CPB1: variants seen among roughly 807,000 people sequenced by gnomAD.
CPB1 encodes the protein carboxypeptidase B.
Under a neutral mutation model 51.4 loss-of-function variants are expected in CPB1, and 53 were observed. That is an observed-to-expected ratio of 1.03 (90% CI 0.83 to 1.30). The LOEUF (loss-of-function observed/expected upper bound fraction) is 1.30, where lower values mean the gene tolerates loss of function less well. Among genes scored for constraint, CPB1 ranks in the 50% most tolerant of loss-of-function variants. The probability of loss-of-function intolerance (pLI) is 0.00; values close to 1 mark genes in which losing one functional copy is unlikely to be tolerated. For synonymous variants in CPB1, 189 were observed against 186.9 expected, an observed-to-expected ratio of 1.01 and a Z score of -0.09; for missense variants, 494 against 516.2, an observed-to-expected ratio of 0.96 and a Z score of 0.42.
chr3:148,858,559 CA>C (rs1487929237), intron 10 of CPB1, among the ~76,000 whole-genome samples: 3 of 150,618 alleles, frequency 2.0e-5, no homozygotes, highest in Non-Finnish European at 4.4e-5. Flanking sequence ...GCGACGAGAG[CA>C]AAACTCCATC....
At chr3:148,829,761 G>T (rs1576565340) in intron 2 of CPB1, among the ~76,000 whole-genome samples, 2 of 152,092 alleles carry the variant, frequency 1.3e-5, no homozygotes, top group African/African-American at 4.8e-5. Context: ...AGAATTAGAG[G>T]CCTTCTTTAC....
chr3:148,859,107 C>G (rs983174765), intron 10 of CPB1, among the ~76,000 whole-genome samples: 8 of 152,160 alleles, frequency 5.3e-5, no homozygotes, highest in African/African-American at 1.9e-4. Context: ...TTCAGTTCAA[C>G]TAGGCTTCTT....
intron 2 of CPB1, 149 bp downstream of exon 2, chr3:148,828,226 T>C (rs893312345): frequency 2.0e-5 from 13 of 652,098 alleles, no homozygotes; most frequent in Admixed American, 1.7e-4. Context: ...TGCCATAATG[T>C]CTTCTTTTTC....
At chr3:148,855,513 A>G (rs993683862) in intron 9 of CPB1, 1 of 152,206 alleles carries the variant, frequency 6.6e-6, no homozygotes, top group Non-Finnish European at 1.5e-5. Flanking sequence ...GTCAAAAGAG[A>G]TAACAGATCA....
rs578236957 is a variant in CPB1, at chr3:148,833,189, C to G, written c.148-1309C>G. Among the ~76,000 whole-genome samples, 4 of 152,254 alleles carry G rather than the reference C, an allele frequency of 2.6e-5. No homozygotes were observed. In the East Asian group the frequency reaches 5.8e-4, roughly 22 times the overall value. ...TCTCATCCTTGACTCACTAGGTCAC[C>G]TTCTACAGCCAATCCTTATCCAAAC... On this transcript the variant is annotated intron_variant, in intron 2 of 10. Transcript: ENST00000282957.
chr3:148,845,356 A>G, intron 8 of CPB1, 68 bp from the exon 9 acceptor site: 2 of 1,440,534 alleles, frequency 1.4e-6, no homozygotes, highest in Non-Finnish European at 1.9e-6. Flanking sequence ...CCTAATTTGA[A>G]AGTTTAAAAC....
chr3:148,858,331 G>A (rs759468472), intron 10 of CPB1, among the ~76,000 whole-genome samples: 3 of 152,096 alleles, frequency 2.0e-5, no homozygotes, highest in Non-Finnish European at 4.4e-5. Context: ...CCAGCACTTT[G>A]GGAGGCCGAG....
At chr3:148,830,934 C>T (rs1022680088) in intron 2 of CPB1, among the ~76,000 whole-genome samples, 3 of 152,232 alleles carry the variant, frequency 2.0e-5, no homozygotes, top group Non-Finnish European at 2.9e-5. Context: ...TTAGCAGTTA[C>T]GGGAACAGCA....
chr3:148,854,802 T>C (rs1299384968), intron 9 of CPB1: 1 of 152,188 alleles, frequency 6.6e-6, no homozygotes, highest in Non-Finnish European at 1.5e-5. Flanking sequence ...CAACTGATTA[T>C]AGCATACAGT....
chr3:148,844,809 A>T, intron 8 of CPB1, 42 bp downstream of exon 8: 1 of 1,547,868 alleles, frequency 6.5e-7, no homozygotes, highest in Non-Finnish European at 8.9e-7. Flanking sequence ...CCATTGAAAA[A>T]CATAAGAGGA....
rs1216592798 is a variant in CPB1, at chr3:148,841,855, T to G, written c.507T>G (p.Ile169Met). The G allele has an allele frequency of 1.2e-6, 2 of 1,613,970 alleles. No individual in the cohort carries two copies. The highest frequency in any genetic ancestry group is 1.1e-5 in the South Asian group (1 of 91,062). ...AAGCTGGACAAAATAAGCCTGCCAT[T>G]TTCATGGACTGTGGTTTCCATGCCA... ...VGKAGQNKPA[I>M]FMDCGFHARE... The change falls in exon 6 of 11, where the codon ATT becomes ATG. Residue 169 changes from isoleucine to methionine, a missense_variant. Physicochemically the swap from Ile to Met is conservative, Grantham distance 10. Coordinates refer to ENST00000282957, the MANE Select transcript of CPB1 (RefSeq NM_001871.3).
chr3:148,841,087 T>C (rs1576569659), intron 5 of CPB1, 112 bp downstream of exon 5: 1 of 829,752 alleles, frequency 1.2e-6, no homozygotes, highest in Non-Finnish European at 1.9e-6. Flanking sequence ...GTTATAACTC[T>C]TTCCTGCCTA....
chr3:148,840,127 A>T (rs1713032082), intron 3 of CPB1, among the ~76,000 whole-genome samples: 1 of 152,200 alleles, frequency 6.6e-6, no homozygotes, highest in Non-Finnish European at 1.5e-5. Context: ...TTTTAAACCC[A>T]TTCTTCTTTT....
Position 148,834,554 on chromosome 3 carries a change from C to G in CPB1, c.204C>G (p.Asp68Glu). 1 of 1,613,588 alleles carries G rather than the reference C, an allele frequency of 6.2e-7. No homozygotes were observed. The highest frequency in any genetic ancestry group is 8.5e-7 in the Non-Finnish European group (1 of 1,179,512). ...VTQIKPHSTV[D>E]FRVKAEDTVT... ...AAATCAAACCTCACAGTACAGTTGA[C>G]TTCCGTGTTAAAGCAGAAGATACTG... is the stretch of plus-strand genomic sequence containing the variant. Residue 68 changes from aspartate (D) to glutamate (E), a missense_variant, in exon 3 of 11, where the codon GAC (aspartate) becomes GAG (glutamate). Transcript: ENST00000282957.
intron 2 of CPB1, among the ~76,000 whole-genome samples, chr3:148,832,936 G>A (rs570577883): frequency 2.6e-5 from 4 of 152,260 alleles, no homozygotes; most frequent in South Asian, 2.1e-4. Flanking sequence ...CAACCTTGTC[G>A]TCTATAATAA....
At position 148,840,947 on chromosome 3, in the gene CPB1, T is replaced by A; in HGVS notation, c.446T>A (p.Phe149Tyr). 1 of 1,614,076 alleles carries A rather than the reference T, an allele frequency of 6.2e-7. No individual in the cohort carries two copies. The highest frequency in any genetic ancestry group is 1.6e-4 in the Middle Eastern group (1 of 6,062). Reference sequence around the variant, plus strand: ...TCTCGCAGTGTTATCGGAACCACATTTGAGGGACGCGCTATTTACCTCCTG... The same window carrying A: ...TCTCGCAGTGTTATCGGAACCACATATGAGGGACGCGCTATTTACCTCCTG... ...LISRSVIGTT[F>Y]EGRAIYLLKV... Residue 149 changes from phenylalanine (F) to tyrosine (Y), a missense_variant, in exon 5 of 11, where the codon TTT becomes TAT. Phe to Tyr is a conservative substitution (Grantham distance 22). Coordinates refer to ENST00000282957, the MANE Select transcript of CPB1 (RefSeq NM_001871.3).
intron 3 of CPB1, among the ~76,000 whole-genome samples, chr3:148,836,374 C>G (rs1712901931): frequency 6.6e-6 from 1 of 152,144 alleles, no homozygotes; most frequent in Non-Finnish European, 1.5e-5. Flanking sequence ...CTGAAAAGGA[C>G]AGCTAAAATT....
intron 9 of CPB1, among the ~76,000 whole-genome samples, chr3:148,847,556 A>C (rs1032916235): frequency 6.6e-6 from 1 of 152,122 alleles, no homozygotes; most frequent in Non-Finnish European, 1.5e-5. Context: ...AACATGAGTC[A>C]CTGATACTCT....
chr3:148,835,191 A>G (rs1712865316), intron 3 of CPB1, among the ~76,000 whole-genome samples: 1 of 152,174 alleles, frequency 6.6e-6, no homozygotes, highest in Admixed American at 6.5e-5. Flanking sequence ...CTCACTGAAT[A>G]CCACTTTCGT....
Sources: gnomAD v4.1 joint callset for allele counts (sites outside exome capture counted in the v4.1 genomes callset) on GRCh38, gnomAD v4.1.1 for gene constraint, MANE v1.5 for transcripts, NCBI Gene and HGNC (gene_info 2026-07-23, HGNC 2026-07-21) for gene names.